WFDC3: variants seen among roughly 807,000 people sequenced by gnomAD.
The protein encoded by WFDC3 is WAP four-disulfide core domain protein 3.
WFDC3 carries 15 observed loss-of-function variants against 25.8 expected under a neutral mutation model. The ratio of observed to expected loss-of-function variants is 0.58; its 90% CI spans 0.39 to 0.89. The LOEUF is 0.89. Among genes scored for constraint, WFDC3 ranks in the 40% least tolerant of loss-of-function variants. The probability of loss-of-function intolerance (pLI) is 0.00; values close to 1 mark genes in which losing one functional copy is unlikely to be tolerated. For synonymous variants in WFDC3, 103 were observed against 107.1 expected (o/e 0.96, Z 0.24); for missense variants, 264 against 289.8 (o/e 0.91, Z 0.65).
Position 45,775,443 on chromosome 20 carries a change from C to T in WFDC3, c.653G>A (p.Trp218Ter). 1 of 1,614,178 alleles carries T rather than the reference C, an allele frequency of 6.2e-7. No homozygotes were observed. The highest frequency in any genetic ancestry group is 8.5e-7 in the Non-Finnish European group (1 of 1,180,018). The change falls in exon 6 of 7, where the codon TGG (tryptophan) becomes TAG (stop). Residue 218 changes from tryptophan (W) to a stop codon, truncating the protein, a stop_gained. Coordinates refer to ENST00000243938, the MANE Select transcript of WFDC3 (RefSeq NM_080614.2). LOFTEE classifies it low-confidence loss of function (END_TRUNC). ...LPPKLTMNPN[W>*]TVRSDSELEI... is the part of the protein sequence containing the mutation. The stretch of plus-strand genomic sequence containing the variant: ...TAATTCGGAATCAGACCTCACAGTC[C>T]AGTTGGGGTTCATGGTCAGTTTTGG...
chr20:45,775,558 C>T lies in WFDC3; in HGVS notation c.538G>A (p.Val180Ile), dbSNP rs1333977438. The change falls in exon 6 of 7, where the codon GTT (valine) becomes ATT (isoleucine). Residue 180 changes from valine (V) to isoleucine (I), a missense_variant. Val to Ile is a conservative substitution (Grantham distance 29, BLOSUM62 3). Coordinates refer to ENST00000243938, the MANE Select transcript of WFDC3 (RefSeq NM_080614.2). Reference protein sequence around the residue: ...CPKVLVGLCIVGCVMDENCQA... With the variant: ...CPKVLVGLCIIGCVMDENCQA... ...CAATTCTCATCCATCACACAGCCAA[C>T]AATGCACAGGCCCACCAGAACTTTT... 6.2e-7 allele frequency: 1 copy of T among 1,614,188 alleles called. No homozygotes were observed. The highest frequency in any genetic ancestry group is 2.2e-5 in the East Asian group (1 of 44,884).
chr20:45,779,586 T>C (rs1980346895), intron 4 of WFDC3, among the ~76,000 whole-genome samples: 1 of 152,080 alleles, frequency 6.6e-6, no homozygotes, highest in Non-Finnish European at 1.5e-5. Context: ...CCCACCTGCT[T>C]GACAAACACT....
At chr20:45,789,796 A>G in intron 2 of WFDC3, 98 bp downstream of exon 2, 5 of 1,091,992 alleles carry the variant, frequency 4.6e-6, no homozygotes, top group Non-Finnish European at 6.9e-6. Context: ...ATCTCCACTT[A>G]CAAGCAACCT....
In WFDC3 at chr20:45,784,416, C is replaced by T. The variant is rs147216567; in HGVS notation, c.358+3420G>A. On this transcript the variant is annotated intron_variant, in intron 4 of 6. Coordinates refer to ENST00000243938, the MANE Select transcript of WFDC3 (RefSeq NM_080614.2). Reference sequence around the variant, plus strand: ...AGGAAGTGATCAGGGAAGAAGAAAACCATCCTGGTTTTGAATAAAGGGGCT... The same window carrying T: ...AGGAAGTGATCAGGGAAGAAGAAAATCATCCTGGTTTTGAATAAAGGGGCT... Among the ~76,000 whole-genome samples, 23 of 152,332 alleles carry T rather than the reference C, an allele frequency of 1.5e-4. No homozygotes were observed. The East Asian group carries it at 3.3e-3, about 22-fold the overall frequency.
At position 45,777,165 on chromosome 20, in the gene WFDC3, C is replaced by T. The variant is rs373020468; in HGVS notation, c.403G>A (p.Glu135Lys). 5.6e-6 allele frequency: 9 copies of T among 1,602,282 alleles called. No homozygotes were observed. The highest frequency in any genetic ancestry group is 7.7e-6 in the Non-Finnish European group (9 of 1,174,272). Residue 135 changes from glutamate (E) to lysine (K), a missense_variant, in exon 5 of 7, where the codon GAG (glutamate) becomes AAG (lysine). Physicochemically the swap from Glu to Lys is moderately conservative, Grantham distance 56. Transcript: ENST00000243938. Reference sequence around the variant, plus strand: ...CAGGATGCATCCCCATCACACAGCTCCTCACACGGAAGGGGGTCAGCGGGA... The same window carrying T: ...CAGGATGCATCCCCATCACACAGCTTCTCACACGGAAGGGGGTCAGCGGGA... The part of the protein sequence containing the change: ...ECPADPLPCE[E>K]LCDGDASCPQ...
Position 45,791,879 on chromosome 20 carries a change from C to G in WFDC3, c.-55G>C. ...CTGGGCGAGGCGCGGCGGTTCGGTT[C>G]CCATGGTAACCCCGCAGCTCCAGCG... On this transcript the variant is annotated 5_prime_UTR_variant, in exon 1 of 7. Transcript: ENST00000243938. The G allele has an allele frequency of 3.1e-6, 2 of 646,732 alleles. No homozygotes were observed. Among genetic ancestry groups the G allele is most frequent in the Non-Finnish European group, 4.4e-6 (2 of 453,470 alleles). 40.1% of individuals were successfully genotyped at this position (646,732 alleles called of 1,614,324 possible).
At chr20:45,779,565 C>T (rs73911104) in intron 4 of WFDC3, among the ~76,000 whole-genome samples, 2,370 of 152,168 alleles carry the variant, frequency 0.016, 62 homozygotes, top group African/African-American at 0.055. Context: ...AAATGCATCT[C>T]CCTGCACCTC....
intron 1 of WFDC3, chr20:45,790,882 C>T (rs1980936010): frequency 4.2e-6 from 2 of 470,992 alleles, no homozygotes; most frequent in East Asian, 6.9e-5. Context: ...GCTGGCAGAA[C>T]CCAAGAGAAG....
At chr20:45,774,595 G>T in intron 6 of WFDC3, 151 bp from the exon 7 acceptor site, 1 of 954,972 alleles carries the variant, frequency 1.0e-6, no homozygotes, top group Non-Finnish European at 1.6e-6. Context: ...ATCCAAACTG[G>T]CACTGAAGGC....
In WFDC3 at chr20:45,789,889, C is replaced by T. The variant is rs748999905; in HGVS notation, c.82+5G>A. 2 of 1,613,462 alleles carry T rather than the reference C, an allele frequency of 1.2e-6. No homozygotes were observed. Among genetic ancestry groups the T allele is most frequent in the African/African-American group, 1.3e-5 (1 of 75,044 alleles). ...GTTGGCCAGGGATCCCAAATGATAG[C>T]TCACCATGTTCTCCTGCAGTTATCC... On this transcript the variant is annotated splice_donor_5th_base_variant and intron_variant, in intron 2 of 6. Transcript: ENST00000243938.
chr20:45,789,928 C>T lies in WFDC3; in HGVS notation c.48G>A (p.Gly16=), dbSNP rs184999962. 77 of 1,614,092 alleles carry T rather than the reference C, an allele frequency of 4.8e-5. No homozygotes were observed. In the South Asian group the frequency reaches 8.3e-4, roughly 17 times the overall value. Residue 16 remains glycine (G), a synonymous_variant, in exon 2 of 7, where the codon GGG becomes GGA. Coordinates refer to ENST00000243938, the MANE Select transcript of WFDC3 (RefSeq NM_080614.2). ...LFLLKALLAL[G]SLESWITAGE... ...CTGCAGTTATCCAGGATTCCAGAGA[C>T]CCAAGAGCAAGAAGTGCCTTCAGAA...
chr20:45,789,523 T>A (rs1429113237), intron 2 of WFDC3, among the ~76,000 whole-genome samples: 1 of 148,412 alleles, frequency 6.7e-6, no homozygotes, highest in Non-Finnish European at 1.5e-5. Flanking sequence ...AAAAAAAAAT[T>A]CTGCAACCAC....
At chr20:45,779,406 C>T (rs1180845051) in intron 4 of WFDC3, among the ~76,000 whole-genome samples, 1 of 152,210 alleles carries the variant, frequency 6.6e-6, no homozygotes, top group Non-Finnish European at 1.5e-5. Context: ...AAGGAGAATA[C>T]ATGCAGCTAA....
chr20:45,785,224 A>G (rs1038260659), intron 4 of WFDC3, among the ~76,000 whole-genome samples: 1 of 152,146 alleles, frequency 6.6e-6, no homozygotes, highest in African/African-American at 2.4e-5. Flanking sequence ...TAATCCCAGC[A>G]TTTTGGGAGC....
rs775322645 is a variant in WFDC3 at position 45,789,065 on chromosome 20, A to G, written c.83-6T>C. 1 of 1,612,388 alleles carries G rather than the reference A, an allele frequency of 6.2e-7. No homozygotes were observed. Among genetic ancestry groups the G allele is most frequent in the South Asian group, 1.1e-5 (1 of 90,852 alleles). ...AGGGCATTCTCCCTCTTTTGCTGCA[A>G]AAGATACTATTTGAGTTTGGGGTAA... On this transcript the variant is annotated splice_region_variant and splice_polypyrimidine_tract_variant and intron_variant, in intron 2 of 6. Coordinates refer to ENST00000243938, the MANE Select transcript of WFDC3 (RefSeq NM_080614.2).
chr20:45,787,282 CTTTTT>C (rs1158318114), intron 4 of WFDC3, among the ~76,000 whole-genome samples: 3 of 73,686 alleles, frequency 4.1e-5, no homozygotes, highest in East Asian at 4.0e-4. Context: ...TTTCTTTTTT[CTTTTT>C]TTTTTTTTTT....
chr20:45,788,820 G>T, intron 3 of WFDC3, 111 bp downstream of exon 3: 1 of 1,437,568 alleles, frequency 7.0e-7, no homozygotes, highest in Non-Finnish European at 9.3e-7. Context: ...AGTACTCTAG[G>T]CAAGGGAGAC....
chr20:45,777,541 C>G (rs1181732391), intron 4 of WFDC3, among the ~76,000 whole-genome samples: 1 of 151,946 alleles, frequency 6.6e-6, no homozygotes, highest in Non-Finnish European at 1.5e-5. Flanking sequence ...TTTGTAGAGA[C>G]AGGGTCTCAC....
At chr20:45,788,837 A>T (rs1050136519) in intron 3 of WFDC3, 94 bp downstream of exon 3, 7 of 1,494,680 alleles carry the variant, frequency 4.7e-6, no homozygotes, top group Non-Finnish European at 6.2e-6. Context: ...AGACTTCCAG[A>T]GGCAACCTAG....
Sources: gnomAD v4.1 joint callset for allele counts (sites outside exome capture counted in the v4.1 genomes callset) on GRCh38, gnomAD v4.1.1 for gene constraint, MANE v1.5 for transcripts, NCBI Gene and HGNC (gene_info 2026-07-23, HGNC 2026-07-21) for gene names.